C1QTNF3: variants seen among roughly 807,000 people sequenced by gnomAD.
C1QTNF3 encodes the protein complement C1q tumor necrosis factor-related protein 3.
A neutral mutation model predicts 32.6 loss-of-function variants in C1QTNF3; 26 were observed. That is an observed-to-expected ratio of 0.80 (90% CI 0.58 to 1.11). The LOEUF is 1.11. Ranked by LOEUF, C1QTNF3 falls within the 50% of genes least tolerant of loss-of-function variation. The probability of loss-of-function intolerance (pLI) is 0.00; values close to 1 mark genes in which losing one functional copy is unlikely to be tolerated. For synonymous variants in C1QTNF3, 155 were observed against 146.0 expected (o/e 1.06, Z -0.44); for missense variants, 362 against 398.2 (o/e 0.91, Z 0.77).
At chr5:34,028,606 C>T (rs1754535013) in intron 4 of C1QTNF3, 148 bp downstream of exon 4, 7 of 658,366 alleles carry the variant, frequency 1.1e-5, no homozygotes, top group Middle Eastern at 6.8e-4. Flanking sequence ...AAATAACTAC[C>T]TTAATGTCAT....
the C1QTNF3 span, among the ~76,000 whole-genome samples, chr5:34,208,383 A>G: frequency 6.6e-6 from 1 of 152,292 alleles, no homozygotes; most frequent in South Asian, 2.1e-4. Context: ...GTAGTGTCAG[A>G]GCAGGGTTTC....
the C1QTNF3 span, among the ~76,000 whole-genome samples, chr5:34,127,360 A>G: frequency 6.6e-6 from 1 of 152,064 alleles, no homozygotes; most frequent in South Asian, 2.1e-4. Flanking sequence ...TGATATGGAC[A>G]ATAAAGTCCC....
At chr5:34,238,667 T>A in the C1QTNF3 span, among the ~76,000 whole-genome samples, 2 of 151,980 alleles carry the variant, frequency 1.3e-5, no homozygotes, top group African/African-American at 4.8e-5. Context: ...CGACTCATTG[T>A]CATTCCTAGA....
At chr5:34,208,124 ATGAT>A in the C1QTNF3 span, among the ~76,000 whole-genome samples, 3 of 151,716 alleles carry the variant, frequency 2.0e-5, no homozygotes, top group African/African-American at 4.8e-5. Flanking sequence ...TCCTAAATGA[ATGAT>A]TATTTAGTCT....
the C1QTNF3 span, among the ~76,000 whole-genome samples, chr5:34,194,942 C>A: frequency 6.8e-6 from 1 of 147,638 alleles, no homozygotes; most frequent in Admixed American, 6.7e-5. Flanking sequence ...AGAAAAAAGT[C>A]TTTACATGTT....
the C1QTNF3 span, among the ~76,000 whole-genome samples, chr5:34,147,797 T>C: frequency 1.3e-5 from 2 of 152,218 alleles, no homozygotes; most frequent in African/African-American, 4.8e-5. Flanking sequence ...CTTGTATATG[T>C]ACCCTCATAT....
At chr5:34,159,541 A>T in the C1QTNF3 span, among the ~76,000 whole-genome samples, 1 of 152,126 alleles carries the variant, frequency 6.6e-6, no homozygotes, top group Non-Finnish European at 1.5e-5. Flanking sequence ...AAAGATGCAC[A>T]GGTTCCAGAA....
chr5:34,056,446 GTGTGTGTGTA>G, the C1QTNF3 span, among the ~76,000 whole-genome samples: 10 of 38,530 alleles, frequency 2.6e-4, no homozygotes, highest in Middle Eastern at 0.013. Context: ...GTGTGTGTGT[GTGTGTGTGTA>G]TATATATATA....
chr5:34,032,383 A>G (rs1000834303), intron 3 of C1QTNF3, among the ~76,000 whole-genome samples: 24 of 152,220 alleles, frequency 1.6e-4, no homozygotes, highest in African/African-American at 5.8e-4. Context: ...TCATAAATTG[A>G]TTTTTTAAAC....
At chr5:34,141,279 C>T in the C1QTNF3 span, among the ~76,000 whole-genome samples, 1 of 151,858 alleles carries the variant, frequency 6.6e-6, no homozygotes, top group Non-Finnish European at 1.5e-5. Context: ...CCACCAGGCC[C>T]GGCTAATTTT....
upstream of C1QTNF3, among the ~76,000 whole-genome samples, chr5:34,045,027 A>T (rs934010717): frequency 6.6e-6 from 1 of 152,190 alleles, no homozygotes. Context: ...AGGAAAGCCC[A>T]GAGCAGTGTC....
chr5:34,138,034 A>C, the C1QTNF3 span, among the ~76,000 whole-genome samples: 2 of 152,264 alleles, frequency 1.3e-5, no homozygotes, highest in Non-Finnish European at 2.9e-5. Flanking sequence ...CAGAGACACC[A>C]GACAAATGCA....
the C1QTNF3 span, among the ~76,000 whole-genome samples, chr5:34,161,831 C>T: frequency 6.6e-6 from 1 of 152,136 alleles, no homozygotes; most frequent in Non-Finnish European, 1.5e-5. Flanking sequence ...GACAATGTTA[C>T]TGATGCTATA....
chr5:34,118,552 C>G, the C1QTNF3 span, among the ~76,000 whole-genome samples: 1 of 151,946 alleles, frequency 6.6e-6, no homozygotes, highest in Non-Finnish European at 1.5e-5. Flanking sequence ...TACATAAGAT[C>G]TTTGCTGACA....
chr5:34,028,092 C>T (rs565337953), intron 4 of C1QTNF3, among the ~76,000 whole-genome samples: 1 of 152,316 alleles, frequency 6.6e-6, no homozygotes, highest in Admixed American at 6.5e-5. Context: ...CCTGCCTCAG[C>T]CTCCTGAGTA....
the C1QTNF3 span, among the ~76,000 whole-genome samples, chr5:34,170,594 A>T: frequency 6.6e-6 from 1 of 152,174 alleles, no homozygotes; most frequent in African/African-American, 2.4e-5. Context: ...AGTTCTCTGT[A>T]TATAAATTAC....
chr5:34,139,264 T>C, the C1QTNF3 span, among the ~76,000 whole-genome samples: 2 of 152,010 alleles, frequency 1.3e-5, no homozygotes, highest in African/African-American at 4.8e-5. Context: ...GTAATCATGA[T>C]ACATTTTGGA....
the C1QTNF3 span, among the ~76,000 whole-genome samples, chr5:34,237,866 G>A: frequency 1.3e-5 from 2 of 152,058 alleles, no homozygotes; most frequent in Admixed American, 6.5e-5. Context: ...CCCAGGAGCA[G>A]ATCTGGTGAT....
the C1QTNF3 span, among the ~76,000 whole-genome samples, chr5:34,075,731 T>C: frequency 6.6e-6 from 1 of 151,556 alleles, no homozygotes; most frequent in Non-Finnish European, 1.5e-5. Flanking sequence ...CAAATTTCAC[T>C]TCTGGGGATA....
Sources: allele counts gnomAD v4.1 joint callset (sites outside exome capture counted in the v4.1 genomes callset), GRCh38; gene constraint gnomAD v4.1.1; transcripts MANE v1.5; gene names NCBI Gene and HGNC (gene_info 2026-07-23, HGNC 2026-07-21).